Variants in ARAP2 observed in about 807,000 individuals in gnomAD.
The protein encoded by ARAP2 is ArfGAP with RhoGAP domain, ankyrin repeat and PH domain 2, also known as arf-GAP with Rho-GAP domain, ANK repeat and PH domain-containing protein 2.
Under a neutral mutation model 194.5 loss-of-function variants are expected in ARAP2, and 148 were observed. The ratio of observed to expected loss-of-function variants is 0.76; its 90% CI spans 0.67 to 0.87. The LOEUF is 0.87. ARAP2 is among the 40% of genes least tolerant of loss of function. The pLI is 0.00. For missense variants in ARAP2, 2,128 were observed against 1,989.7 expected, an observed-to-expected ratio of 1.07 and a Z score of -1.32; for synonymous variants, 695 against 683.5, an observed-to-expected ratio of 1.02 and a Z score of -0.26.
At chr4:36,068,327 T>G in intron 32 of ARAP2, 49 bp from the exon 33 acceptor site, 1 of 1,494,082 alleles carries the variant, frequency 6.7e-7, no homozygotes, top group South Asian at 1.4e-5. Context: ...TTGGCACAAT[T>G]TAGGTTTAGA....
intron 22 of ARAP2, among the ~76,000 whole-genome samples, chr4:36,122,110 A>G (rs907043574): frequency 1.3e-5 from 2 of 151,750 alleles, no homozygotes; most frequent in Non-Finnish European, 2.9e-5. Context: ...GAAAAGTCAA[A>G]AAAATAACAG....
At position 36,032,592 on chromosome 4, in the gene ARAP2, T is replaced by C. The variant is rs143965779; in HGVS notation, n.608-13306A>G. Among the ~76,000 whole-genome samples the C allele has an allele frequency of 2.2e-3, 341 of 152,340 alleles. 1 individual carries two copies. Among genetic ancestry groups the C allele is most frequent in the African/African-American group, 7.6e-3 (316 of 41,580 alleles). On this transcript the variant is annotated intron_variant and non_coding_transcript_variant, in intron 5 of 12. Transcript: ENST00000503225. ...TAATGAAGCATTTATTATTAACTGT[T>C]CAATTTATTTTAAGATTATAAAATT...
intron 1 of ARAP2, among the ~76,000 whole-genome samples, chr4:36,235,704 G>GT (rs538945426): frequency 6.6e-6 from 1 of 152,136 alleles, no homozygotes; most frequent in South Asian, 2.1e-4. Context: ...GGTGCACATT[G>GT]TTTTAAAATG....
chr4:36,081,330 A>G (rs1327477722), intron 30 of ARAP2, among the ~76,000 whole-genome samples: 1 of 152,100 alleles, frequency 6.6e-6, no homozygotes, highest in Non-Finnish European at 1.5e-5. Flanking sequence ...CATCAGGGGG[A>G]GAATGAAAGT....
Position 36,067,692 on chromosome 4 carries a change from C to CT in ARAP2, c.*214dup. ...TCTTACACACGTTAATACAATGGAA[C>CT]TTTACAAGGTTTGTTCAGACCAAAA... On this transcript the variant is annotated 3_prime_UTR_variant, in exon 33 of 33. Coordinates refer to ENST00000303965, the MANE Select transcript of ARAP2 (RefSeq NM_015230.4). 1 of 469,976 alleles carries CT rather than the reference C, an allele frequency of 2.1e-6. No individual in the cohort carries two copies. The highest frequency in any genetic ancestry group is 3.6e-5 in the South Asian group (1 of 27,584). 29.1% of individuals were successfully genotyped at this position (469,976 alleles called of 1,614,324 possible).
chr4:36,234,395 A>G (rs535242123), intron 1 of ARAP2, among the ~76,000 whole-genome samples: 2 of 152,220 alleles, frequency 1.3e-5, no homozygotes, highest in African/African-American at 4.8e-5. Flanking sequence ...TGCCCTCATG[A>G]CCTAATAACC....
At chr4:36,241,623 A>T (rs1288336298) in intron 1 of ARAP2, among the ~76,000 whole-genome samples, 2 of 152,216 alleles carry the variant, frequency 1.3e-5, no homozygotes, top group Admixed American at 6.5e-5. Context: ...GTATATGAAC[A>T]ATCAGTTCAT....
intron 28 of ARAP2, among the ~76,000 whole-genome samples, chr4:36,090,460 C>A (rs556706957): frequency 6.6e-6 from 1 of 152,132 alleles, no homozygotes; most frequent in Admixed American, 6.6e-5. Context: ...AAAAAGAAAA[C>A]CTCAGTCCAA....
chr4:36,054,263 C>G (rs1290492881), intron 2 of ARAP2, among the ~76,000 whole-genome samples: 24 of 152,154 alleles, frequency 1.6e-4, no homozygotes. Context: ...AAAGTTTTCT[C>G]TGTGTCTGGA....
intron 22 of ARAP2, 123 bp from the exon 23 acceptor site, chr4:36,121,449 TG>T (rs1450376072): frequency 2.7e-5 from 23 of 860,404 alleles, no homozygotes; most frequent in Non-Finnish European, 3.4e-5. Flanking sequence ...AAAGATACAG[TG>T]GTGACTTAAA....
At chr4:36,099,099 T>C (rs911943828) in intron 27 of ARAP2, among the ~76,000 whole-genome samples, 2 of 146,720 alleles carry the variant, frequency 1.4e-5, no homozygotes, top group Non-Finnish European at 3.0e-5. Context: ...CCCCACCCCA[T>C]GTGTCCATAT....
At chr4:36,031,413 T>C (rs1718927692) in intron 5 of ARAP2, among the ~76,000 whole-genome samples, 1 of 152,192 alleles carries the variant, frequency 6.6e-6, no homozygotes, top group Non-Finnish European at 1.5e-5. Flanking sequence ...ATTCACTCAC[T>C]CCTCTTTTAC....
intron 32 of ARAP2, among the ~76,000 whole-genome samples, chr4:36,070,692 C>G (rs1470178113): frequency 6.6e-6 from 1 of 152,102 alleles, no homozygotes; most frequent in Non-Finnish European, 1.5e-5. Context: ...GTAATATGAC[C>G]AATATGTACA....
At chr4:36,168,761 A>G (rs778191835) in intron 9 of ARAP2, among the ~76,000 whole-genome samples, 11 of 152,224 alleles carry the variant, frequency 7.2e-5, no homozygotes, top group African/African-American at 1.2e-4. Context: ...AATCAGTGAT[A>G]TAAAAGAAAA....
At chr4:36,232,994 C>T (rs1455352791) in intron 1 of ARAP2, among the ~76,000 whole-genome samples, 2 of 152,316 alleles carry the variant, frequency 1.3e-5, no homozygotes, top group Admixed American at 6.5e-5. Context: ...CTACCCAAAA[C>T]CATCTCTATC....
At chr4:36,194,883 A>T (rs910023987) in intron 6 of ARAP2, among the ~76,000 whole-genome samples, 2 of 152,206 alleles carry the variant, frequency 1.3e-5, no homozygotes, top group African/African-American at 4.8e-5. Context: ...ACAGAAAAAA[A>T]ATATAAAATA....
Position 36,149,354 on chromosome 4 carries a change from T to C in ARAP2, c.2898-847A>G, listed in dbSNP as rs80346418. On this transcript the variant is annotated intron_variant, in intron 16 of 32. Transcript: ENST00000303965. ...TTAGCAGTTCACCCTCTTCCTCTAGTTAAATTCTCAACAATTAGTCTCTCT... is the reference window on the plus strand; with the variant it reads ...TTAGCAGTTCACCCTCTTCCTCTAGCTAAATTCTCAACAATTAGTCTCTCT... Among the ~76,000 whole-genome samples the C allele has an allele frequency of 2.4e-4, 36 of 152,242 alleles. No homozygotes were observed. In the East Asian group the frequency reaches 7.0e-3, roughly 29 times the overall value.
intron 19 of ARAP2, among the ~76,000 whole-genome samples, chr4:36,138,832 C>T (rs1727488767): frequency 6.6e-6 from 1 of 151,690 alleles, no homozygotes; most frequent in South Asian, 2.1e-4. Flanking sequence ...ATTTTACAAT[C>T]CCACCATACT....
chr4:36,023,666 G>A (rs1161008560), intron 5 of ARAP2, among the ~76,000 whole-genome samples: 1 of 152,134 alleles, frequency 6.6e-6, no homozygotes, highest in Non-Finnish European at 1.5e-5. Flanking sequence ...ATGATAATTT[G>A]ATATTTATTG....
Sources: gnomAD v4.1 joint callset for allele counts (sites outside exome capture counted in the v4.1 genomes callset) on GRCh38, gnomAD v4.1.1 for gene constraint, MANE v1.5 for transcripts, NCBI Gene and HGNC (gene_info 2026-07-23, HGNC 2026-07-21) for gene names.